XRN1: variants seen among roughly 807,000 people sequenced by gnomAD.
The protein encoded by XRN1 is strand-exchange protein 1 homolog.
XRN1 carries 67 observed loss-of-function variants against 222.3 expected under a neutral mutation model. That is an observed-to-expected ratio of 0.30 (90% CI 0.25 to 0.37). The LOEUF (loss-of-function observed/expected upper bound fraction) is 0.37, where lower values mean the gene tolerates loss of function less well. Among genes scored for constraint, XRN1 ranks in the 10% least tolerant of loss-of-function variants. The pLI, the probability that XRN1 is intolerant of heterozygous loss-of-function variation, is 1.00. For synonymous variants in XRN1, 643 were observed against 652.4 expected, an observed-to-expected ratio of 0.99 and a Z score of 0.22; for missense variants, 1,707 against 2,000.2, an observed-to-expected ratio of 0.85 and a Z score of 2.80.
intron 11 of XRN1, 37 bp from the exon 12 acceptor site, chr3:142,418,646 T>A (rs533487346): frequency 2.0e-6 from 3 of 1,521,768 alleles, no homozygotes; most frequent in East Asian, 4.5e-5. Flanking sequence ...GACTGACAAT[T>A]ATGAATAGCC....
chr3:142,317,760 G>A (rs574537429), intron 39 of XRN1, among the ~76,000 whole-genome samples: 1 of 152,234 alleles, frequency 6.6e-6, no homozygotes, highest in South Asian at 2.1e-4. Flanking sequence ...ATGCCTCCAA[G>A]ATCTGAACCT....
At position 142,333,737 on chromosome 3, in the gene XRN1, T is replaced by C. The variant is rs145567721; in HGVS notation, c.3940-648A>G. ...ATCCATGATGGTATTAGTGTCCTTA[T>C]ATGAATAGAAAGAGAATAGAGCTCT... On this transcript the variant is annotated intron_variant, in intron 34 of 40. Coordinates refer to ENST00000392981, the MANE Select transcript of XRN1 (RefSeq NM_001282857.2). Among the ~76,000 whole-genome samples the C allele has an allele frequency of 5.3e-3, 801 of 152,284 alleles. 12 individuals carry two copies. Among genetic ancestry groups the C allele is most frequent in the African/African-American group, 0.019 (769 of 41,550 alleles).
chr3:142,380,206 T>C (rs1435211141), intron 22 of XRN1, 26 bp from the exon 23 acceptor site: 5 of 1,567,824 alleles, frequency 3.2e-6, no homozygotes, highest in South Asian at 2.2e-5. Context: ...AATCACAGTA[T>C]AGTCTCTTTC....
intron 29 of XRN1, among the ~76,000 whole-genome samples, chr3:142,363,504 A>G (rs1349382997): frequency 6.6e-6 from 1 of 152,032 alleles, no homozygotes. Flanking sequence ...CCATTGATCT[A>G]TATGTCATCT....
intron 32 of XRN1, among the ~76,000 whole-genome samples, chr3:142,351,153 GTATCTATC>G (rs558846275): frequency 4.6e-5 from 7 of 151,654 alleles, no homozygotes; most frequent in South Asian, 2.1e-4. Flanking sequence ...ATGTATCTAT[GTATCTATC>G]TATCTATCTA....
chr3:142,323,302 T>A (rs1226388927), intron 37 of XRN1, among the ~76,000 whole-genome samples: 4 of 151,850 alleles, frequency 2.6e-5, no homozygotes, highest in African/African-American at 9.7e-5. Flanking sequence ...TTGTTTTTTT[T>A]TTTTAAATGG....
chr3:142,383,184 A>G, intron 22 of XRN1, 116 bp downstream of exon 22: 1 of 820,772 alleles, frequency 1.2e-6, no homozygotes, highest in Non-Finnish European at 2.0e-6. Flanking sequence ...TTACATGGAT[A>G]AATTCTTTAT....
intron 15 of XRN1, among the ~76,000 whole-genome samples, chr3:142,405,727 T>C (rs1288642238): frequency 1.3e-5 from 2 of 151,964 alleles, no homozygotes; most frequent in African/African-American, 4.8e-5. Flanking sequence ...GCCAAAACAG[T>C]CCTTTAGGTA....
rs781162357 is a variant in XRN1 at position 142,347,245 on chromosome 3, G to C, written c.3866C>G (p.Pro1289Arg). Reference protein sequence around the residue: ...SVKYQQRKHDPHRKFKEECKS... With the variant: ...SVKYQQRKHDRHRKFKEECKS... The stretch of plus-strand genomic sequence containing the variant: ...AATTTAAAACTTACATTTTCTGTGA[G>C]GGTCATGTTTTCTTTGCTGATATTT... The change falls in exon 33 of 41, where the codon CCT becomes CGT. Residue 1289 changes from proline (P) to arginine (R), a missense_variant. By Grantham distance (103) the Pro-to-Arg change is moderately radical. Transcript: ENST00000392981. The C allele has an allele frequency of 1.2e-6, 2 of 1,600,114 alleles. No homozygotes were observed. The highest frequency in any genetic ancestry group is 3.4e-5 in the Admixed American group (2 of 58,396).
intron 2 of XRN1, among the ~76,000 whole-genome samples, chr3:142,431,872 ATAT>A (rs374051292): frequency 0.03 from 880 of 29,064 alleles, 19 homozygotes; most frequent in Non-Finnish European, 0.041. Context: ...ATAATATATT[ATAT>A]TATATATATT....
At chr3:142,444,059 G>C (rs1284519219) in intron 1 of XRN1, among the ~76,000 whole-genome samples, 1 of 152,200 alleles carries the variant, frequency 6.6e-6, no homozygotes, top group Non-Finnish European at 1.5e-5. Context: ...ATAGAAAATA[G>C]AAAGATGGTT....
At chr3:142,327,796 T>C (rs2065562520) in intron 37 of XRN1, among the ~76,000 whole-genome samples, 1 of 152,280 alleles carries the variant, frequency 6.6e-6, no homozygotes, top group East Asian at 1.9e-4. Flanking sequence ...ACTGCATACA[T>C]TGCAGCCATT....
At chr3:142,336,886 T>G (rs1383905371) in intron 33 of XRN1, among the ~76,000 whole-genome samples, 1 of 152,002 alleles carries the variant, frequency 6.6e-6, no homozygotes, top group African/African-American at 2.4e-5. Context: ...CATTATCAGA[T>G]TTACAGGGAC....
intron 32 of XRN1, among the ~76,000 whole-genome samples, chr3:142,354,602 G>C (rs2066408855): frequency 6.6e-6 from 1 of 152,170 alleles, no homozygotes; most frequent in Admixed American, 6.5e-5. Flanking sequence ...CTGTCGCCCA[G>C]GCTGGAGTGA....
At chr3:142,366,276 CT>C (rs1020257670) in intron 27 of XRN1, among the ~76,000 whole-genome samples, 1 of 152,160 alleles carries the variant, frequency 6.6e-6, no homozygotes, top group Non-Finnish European at 1.5e-5. Context: ...GCAGTCACCT[CT>C]CTTTAGAACA....
At chr3:142,328,756 T>C (rs2065606693) in intron 37 of XRN1, among the ~76,000 whole-genome samples, 1 of 55,552 alleles carries the variant, frequency 1.8e-5, no homozygotes, top group African/African-American at 7.0e-5. Context: ...TATATATATA[T>C]ATATATATAT....
intron 1 of XRN1, among the ~76,000 whole-genome samples, chr3:142,439,116 G>GT (rs2070073919): frequency 6.6e-6 from 1 of 152,122 alleles, no homozygotes; most frequent in Non-Finnish European, 1.5e-5. Flanking sequence ...ATAGATCTAG[G>GT]TAAATTCTCA....
At chr3:142,405,155 C>A in intron 15 of XRN1, 79 bp from the exon 16 acceptor site, 1 of 1,389,704 alleles carries the variant, frequency 7.2e-7, no homozygotes. Context: ...TCTTTTTCCT[C>A]CATATACAGA....
intron 33 of XRN1, among the ~76,000 whole-genome samples, chr3:142,346,035 A>G (rs527692988): frequency 6.6e-6 from 1 of 152,372 alleles, no homozygotes; most frequent in East Asian, 1.9e-4. Context: ...TCATATGCAT[A>G]TACCCAAGAG....
Sources: allele counts gnomAD v4.1 joint callset (sites outside exome capture counted in the v4.1 genomes callset), GRCh38; gene constraint gnomAD v4.1.1; transcripts MANE v1.5; gene names NCBI Gene and HGNC (gene_info 2026-07-23, HGNC 2026-07-21).